Variants in TRPM5 observed in about 807,000 individuals in gnomAD.
TRPM5 encodes transient receptor potential cation channel subfamily M member 5.
A neutral mutation model predicts 124.9 loss-of-function variants in TRPM5; 121 were observed. That is an observed-to-expected ratio of 0.97 (90% CI 0.84 to 1.13). The LOEUF is 1.13. Among genes scored for constraint, TRPM5 ranks in the 50% most tolerant of loss-of-function variants. The probability of loss-of-function intolerance (pLI) is 0.00; values close to 1 mark genes in which losing one functional copy is unlikely to be tolerated. For missense variants in TRPM5, 1,643 were observed against 1,589.1 expected, an observed-to-expected ratio of 1.03 and a Z score of -0.58; for synonymous variants, 781 against 700.5, an observed-to-expected ratio of 1.11 and a Z score of -1.81.
At chr11:2,434,188 ATGTG>A in the TRPM5 span, among the ~76,000 whole-genome samples, 2 of 145,338 alleles carry the variant, frequency 1.4e-5, no homozygotes, top group Non-Finnish European at 3.0e-5. Flanking sequence ...TGGACGGTGT[ATGTG>A]TGTGTATGTG....
the TRPM5 span, among the ~76,000 whole-genome samples, chr11:2,443,676 G>T: frequency 6.7e-6 from 1 of 148,808 alleles, no homozygotes; most frequent in African/African-American, 2.6e-5. This position sits in a 1 kb window ranked among gnomAD's most constrained non-coding sequence, Gnocchi z 5.0. Flanking sequence ...TTGACCCAGG[G>T]TGCTCAGGGA....
chr11:2,414,228 G>A (rs185059022), intron 11 of TRPM5, 22 bp from the exon 17 acceptor site: 353 of 1,600,146 alleles, frequency 2.2e-4, no homozygotes, highest in Non-Finnish European at 2.4e-4. Flanking sequence ...GGCCCTGGCC[G>A]CTAGGACGAG....
the TRPM5 span, among the ~76,000 whole-genome samples, chr11:2,429,973 G>GACTTGCTTCC: frequency 1.3e-5 from 2 of 151,552 alleles, no homozygotes; most frequent in East Asian, 1.9e-4. This position sits in a 1 kb window ranked among gnomAD's most constrained non-coding sequence, Gnocchi z 8.4. Context: ...TGAAGAAGGT[G>GACTTGCTTCC]CCTCTAAGTC....
chr11:2,410,526 T>A, intron 18 of TRPM5: 1 of 283,576 alleles, frequency 3.5e-6, no homozygotes, highest in Non-Finnish European at 7.2e-6. Flanking sequence ...CCCAGAGGGG[T>A]GCGTCCCTTT....
At position 2,405,594 on chromosome 11, in the gene TRPM5, C is replaced by A; in HGVS notation, c.3325-1G>T. ...ACACGAGCACCGAGCAGTAGTTGAT[C>A]TGGAGAAGGGAAACACGTCCGGGAA... On this transcript the variant is annotated splice_acceptor_variant, in intron 22 of 23. Transcript: ENST00000155858. LOFTEE classifies it high-confidence loss of function. 6.4e-7 allele frequency: 1 copy of A among 1,561,072 alleles called. No individual in the cohort carries two copies.
chr11:2,419,189 G>C (rs1203493581), intron 4 of TRPM5, among the ~76,000 whole-genome samples: 1 of 152,198 alleles, frequency 6.6e-6, no homozygotes, highest in Admixed American at 6.5e-5. Flanking sequence ...CCTCCTGATT[G>C]AATCTGGAGG....
chr11:2,444,180 C>A, the TRPM5 span, among the ~76,000 whole-genome samples: 27 of 152,190 alleles, frequency 1.8e-4, no homozygotes, highest in African/African-American at 6.3e-4. Context: ...TCCCATCTCA[C>A]CCTCCCGGTC....
chr11:2,414,009 G>GGCGGCCCCCCCCCCC, intron 12 of TRPM5, 52 bp downstream of exon 17: 1 of 1,023,734 alleles, frequency 9.8e-7, no homozygotes, highest in Non-Finnish European at 1.4e-6. Context: ...GGCCCAGCTC[G>GGCGGCCCCCCCCCCC]CCCGCCCACC....
At chr11:2,410,098 G>A (rs935632704) in intron 18 of TRPM5, among the ~76,000 whole-genome samples, 4 of 152,198 alleles carry the variant, frequency 2.6e-5, no homozygotes, top group Admixed American at 6.5e-5. Flanking sequence ...AGGGCGAGGT[G>A]GGGTCGCAGG....
At chr11:2,439,828 G>A in the TRPM5 span, among the ~76,000 whole-genome samples, 2 of 152,082 alleles carry the variant, frequency 1.3e-5, no homozygotes, top group Non-Finnish European at 2.9e-5. Flanking sequence ...ATTAATTCCT[G>A]GATACATATA....
At chr11:2,420,965 C>T in intron 3 of TRPM5, 67 bp downstream of exon 8, 1 of 1,466,954 alleles carries the variant, frequency 6.8e-7, no homozygotes, top group South Asian at 1.3e-5. Flanking sequence ...CTGCCCGCTG[C>T]CCAAACCCTT....
At chr11:2,410,038 T>A (rs1343717410) in intron 18 of TRPM5, among the ~76,000 whole-genome samples, 1 of 152,154 alleles carries the variant, frequency 6.6e-6, no homozygotes, top group African/African-American at 2.4e-5. Flanking sequence ...CTAGAGCTCC[T>A]CCTGCCCCGA....
intron 23 of TRPM5, 147 bp downstream of exon 28, chr11:2,405,380 C>T: frequency 1.2e-6 from 1 of 823,986 alleles, no homozygotes; most frequent in Non-Finnish European, 1.9e-6. Context: ...CCCACACCAC[C>T]CTGAAGAGCC....
At chr11:2,423,223 C>A (rs561565714), upstream of TRPM5, among the ~76,000 whole-genome samples, 1 of 152,294 alleles carries the variant, frequency 6.6e-6, no homozygotes, top group South Asian at 2.1e-4. Context: ...CCAGCCAGGC[C>A]CTGCCCAGCG....
At chr11:2,416,578 C>T (rs1472108500) in intron 7 of TRPM5, among the ~76,000 whole-genome samples, 2 of 152,214 alleles carry the variant, frequency 1.3e-5, no homozygotes, top group Non-Finnish European at 2.9e-5. Context: ...TCTCAGGCCA[C>T]TGGGACCAAA....
chr11:2,420,870 A>G (rs1845762509), intron 3 of TRPM5, among the ~76,000 whole-genome samples, 162 bp downstream of exon 8: 1 of 152,204 alleles, frequency 6.6e-6, no homozygotes, highest in South Asian at 2.1e-4. Flanking sequence ...GCCGTTCCCT[A>G]TGCGGTACTG....
In TRPM5 at chr11:2,412,111, ACACGGCCTCTGGGCCC is replaced by A. The variant is rs920289213; in HGVS notation, c.2474+8_2474+23del. ...CCTGCCCACAAGCCGCCCTGAGGCC[ACACGGCCTCTGGGCCC>A]CACAGACCTGCAGGTGACACCCACG... is the stretch of plus-strand genomic sequence containing the variant. On this transcript the variant is annotated splice_region_variant and intron_variant, in intron 16 of 23. Transcript: ENST00000155858. 1.3e-6 allele frequency: 2 copies of A among 1,586,452 alleles called. No homozygotes were observed. The highest frequency in any genetic ancestry group is 2.7e-5 in the African/African-American group (2 of 74,406).
exon 23 of TRPM5, chr11:2,405,543 C>T: frequency 6.4e-7 from 1 of 1,563,976 alleles, no homozygotes; most frequent in Non-Finnish European, 8.7e-7. Context: ...GGCCGCCACC[C>T]TGGGCCAGCA....
At chr11:2,411,490 C>G (rs548094761) in exon 18 of TRPM5, 1 of 1,610,662 alleles carries the variant, frequency 6.2e-7, no homozygotes, top group Non-Finnish European at 8.5e-7. Flanking sequence ...ACGAGCCACA[C>G]GCTCAGAAAG....
Sources: allele counts gnomAD v4.1 joint callset (sites outside exome capture counted in the v4.1 genomes callset), GRCh38; gene constraint gnomAD v4.1.1; non-coding constraint Gnocchi (gnomAD v3.1); transcripts MANE v1.5; gene names NCBI Gene and HGNC (gene_info 2026-07-23, HGNC 2026-07-21).